The following RBFOX1 variants were observed in gnomAD, a reference collection of about 807,000 sequenced individuals.
RBFOX1 encodes RNA binding fox-1 homolog 1.
Under a neutral mutation model 57.7 loss-of-function variants are expected in RBFOX1, and 8 were observed. The observed-to-expected ratio is 0.14, with a 90% CI of 0.08 to 0.25. The LOEUF (loss-of-function observed/expected upper bound fraction) is 0.25. Ranked by LOEUF, RBFOX1 falls within the 10% of genes least tolerant of loss-of-function variation. RBFOX1 has a pLI of 1.00. For missense variants in RBFOX1, 611 were observed against 548.5 expected (o/e 1.11, Z -1.14); for synonymous variants, 326 against 222.4 (o/e 1.47, Z -4.15).
At chr16:6,139,351 A>C (rs1181433808) in intron 1 of RBFOX1, among the ~76,000 whole-genome samples, 1 of 152,188 alleles carries the variant, frequency 6.6e-6, no homozygotes, top group Non-Finnish European at 1.5e-5. Flanking sequence ...GTGAGGTCCC[A>C]ACTCTGCTGC....
intron 2 of RBFOX1, among the ~76,000 whole-genome samples, chr16:6,618,761 A>G (rs963346937): frequency 5.3e-5 from 8 of 152,270 alleles, no homozygotes; most frequent in Admixed American, 4.6e-4. Context: ...CATGGTAAAC[A>G]TTCCAAAGAA....
chr16:5,597,395 CTTTTTTTTTT>C (rs35058375), intron 2 of RBFOX1, among the ~76,000 whole-genome samples: 2 of 114,426 alleles, frequency 1.7e-5, no homozygotes, highest in Non-Finnish European at 3.5e-5. Flanking sequence ...AGCTTGCTGA[CTTTTTTTTTT>C]TTTTTTTTTT....
chr16:7,437,078 C>G (rs756733603), intron 4 of RBFOX1, among the ~76,000 whole-genome samples: 36 of 152,220 alleles, frequency 2.4e-4, no homozygotes, highest in Non-Finnish European at 4.9e-4. Flanking sequence ...GAGACTCTGT[C>G]TCAAAAAATC....
intron 4 of RBFOX1, among the ~76,000 whole-genome samples, chr16:7,376,667 T>C (rs539539119): frequency 6.6e-6 from 1 of 152,332 alleles, no homozygotes; most frequent in South Asian, 2.1e-4. Flanking sequence ...TCGGTGCTTT[T>C]TGTTTTCATG....
chr16:7,643,527 G>A (rs1181078725), intron 11 of RBFOX1, among the ~76,000 whole-genome samples: 3 of 152,132 alleles, frequency 2.0e-5, no homozygotes, highest in Admixed American at 2.0e-4. Flanking sequence ...GAAATTTCTA[G>A]CTGAATTTAG....
intron 3 of RBFOX1, among the ~76,000 whole-genome samples, chr16:7,029,972 C>G (rs2042367374): frequency 2.6e-5 from 4 of 152,180 alleles, no homozygotes; most frequent in Admixed American, 2.6e-4. Context: ...TCCAGCAAGA[C>G]AGTCAACAAG....
At chr16:5,910,929 T>A (rs1386861847) in intron 4 of RBFOX1, among the ~76,000 whole-genome samples, 1 of 152,136 alleles carries the variant, frequency 6.6e-6, no homozygotes, top group Non-Finnish European at 1.5e-5. Flanking sequence ...ACTCTGACTC[T>A]CCTCCCTGTG....
intron 1 of RBFOX1, among the ~76,000 whole-genome samples, chr16:6,141,874 C>G (rs2096718610): frequency 6.6e-6 from 1 of 151,876 alleles, no homozygotes. Context: ...ACCTGACCAA[C>G]ATGGTGAAAC....
rs562318158 is a variant in RBFOX1 at position 6,219,397 on chromosome 16, A to G, written c.-126-97598A>G. Among the ~76,000 whole-genome samples the G allele has an allele frequency of 5.9e-5, 9 of 152,300 alleles. No homozygotes were observed. The East Asian group carries it at 1.7e-3, about 29-fold the overall frequency. ...CAGGAGGTCGAGGCTGCAGTGAACCATGGTTGTGCCACGACACTCCAGCCT... is the reference window on the plus strand; with the variant it reads ...CAGGAGGTCGAGGCTGCAGTGAACCGTGGTTGTGCCACGACACTCCAGCCT... On this transcript the variant is annotated intron_variant, in intron 1 of 15. Transcript: ENST00000550418.
rs564530933 is a variant in RBFOX1 at position 6,544,683 on chromosome 16, C to G, written c.-63-109920C>G. Among the ~76,000 whole-genome samples the G allele has an allele frequency of 4.6e-5, 7 of 152,314 alleles. No homozygotes were observed. In the South Asian group the frequency reaches 6.2e-4, roughly 14 times the overall value. The stretch of plus-strand genomic sequence containing the variant: ...TCGCTGACTGCGTATCCACCCCATA[C>G]TAACTGTGGGACTCTATATAAGTTT... On this transcript the variant is annotated intron_variant, in intron 2 of 15. Coordinates refer to ENST00000550418, the MANE Select transcript of RBFOX1 (RefSeq NM_018723.4).
At chr16:7,121,867 A>G (rs1225659017) in intron 4 of RBFOX1, among the ~76,000 whole-genome samples, 1 of 152,020 alleles carries the variant, frequency 6.6e-6, no homozygotes, top group East Asian at 1.9e-4. Flanking sequence ...GACTCCAGAA[A>G]TAGACCCACA....
chr16:6,095,391 C>T (rs554060297), intron 1 of RBFOX1, among the ~76,000 whole-genome samples: 9 of 152,306 alleles, frequency 5.9e-5, no homozygotes, highest in South Asian at 4.1e-4. Context: ...ACTCTTTTTA[C>T]GGCCTGTGTC....
chr16:6,552,198 A>T (rs1324515021), intron 2 of RBFOX1, among the ~76,000 whole-genome samples: 1 of 152,206 alleles, frequency 6.6e-6, no homozygotes. Flanking sequence ...ATACCTTTGA[A>T]AGTCCTCATT....
chr16:5,335,648 T>C (rs961117123), intron 1 of RBFOX1, among the ~76,000 whole-genome samples: 1 of 152,132 alleles, frequency 6.6e-6, no homozygotes, highest in Non-Finnish European at 1.5e-5. Context: ...GGTATTAATG[T>C]TGGTTTTTTG....
At chr16:6,962,193 G>A (rs1055939761) in intron 3 of RBFOX1, among the ~76,000 whole-genome samples, 1 of 152,122 alleles carries the variant, frequency 6.6e-6, no homozygotes, top group Non-Finnish European at 1.5e-5. Flanking sequence ...ATGGCAGAAT[G>A]ACTCCAACTC....
At chr16:7,246,935 C>T (rs981332587) in intron 4 of RBFOX1, among the ~76,000 whole-genome samples, 1 of 152,112 alleles carries the variant, frequency 6.6e-6, no homozygotes, top group African/African-American at 2.4e-5. Flanking sequence ...CATTTTACGA[C>T]AGGGATGAGA....
In RBFOX1 at chr16:7,425,146, T is replaced by G. The variant is rs138089565; in HGVS notation, c.28-93001T>G. Among the ~76,000 whole-genome samples the G allele has an allele frequency of 3.3e-3, 509 of 152,332 alleles. 3 individuals are homozygous for G. Among genetic ancestry groups the G allele is most frequent in the African/African-American group, 0.011 (462 of 41,568 alleles). ...TTGGGAAATAATTTCTTTTAGACAT[T>G]TAGAGAAAAAAATGTGAAAATTATG... On this transcript the variant is annotated intron_variant, in intron 4 of 15. Coordinates refer to ENST00000550418, the MANE Select transcript of RBFOX1 (RefSeq NM_018723.4).
chr16:7,509,598 C>T (rs1047291779), intron 4 of RBFOX1, among the ~76,000 whole-genome samples: 3 of 152,156 alleles, frequency 2.0e-5, no homozygotes, highest in African/African-American at 4.8e-5. Context: ...TGCAAAAGAG[C>T]TGGATTTCAA....
At chr16:6,528,482 C>T (rs760482297) in intron 2 of RBFOX1, among the ~76,000 whole-genome samples, 1 of 152,198 alleles carries the variant, frequency 6.6e-6, no homozygotes, top group Non-Finnish European at 1.5e-5. Flanking sequence ...GCATCATCTC[C>T]AAAGGCAACA....
Sources: gnomAD v4.1 joint callset for allele counts (sites outside exome capture counted in the v4.1 genomes callset) on GRCh38, gnomAD v4.1.1 for gene constraint, MANE v1.5 for transcripts, NCBI Gene and HGNC (gene_info 2026-07-23, HGNC 2026-07-21) for gene names.